Variants in GPM6A observed in about 807,000 individuals in gnomAD.
The protein encoded by GPM6A is neuronal membrane glycoprotein M6-a.
A neutral mutation model predicts 32.1 loss-of-function variants in GPM6A; 7 were observed. The observed-to-expected ratio is 0.22, with a 90% CI of 0.12 to 0.41. GPM6A has a LOEUF of 0.41. Ranked by LOEUF, GPM6A falls within the 10% of genes least tolerant of loss-of-function variation. The probability of loss-of-function intolerance (pLI) is 1.00; values close to 1 mark genes in which losing one functional copy is unlikely to be tolerated. For missense variants in GPM6A, 235 were observed against 347.2 expected (o/e 0.68, Z 2.57); for synonymous variants, 130 against 123.4 (o/e 1.05, Z -0.35).
chr4:175,690,165 C>A (rs777980083), intron 2 of GPM6A, among the ~76,000 whole-genome samples: 3 of 152,144 alleles, frequency 2.0e-5, no homozygotes, highest in Non-Finnish European at 4.4e-5. Flanking sequence ...ACCAGTCCAC[C>A]AACTTGCTGA....
chr4:175,970,864 T>C (rs1667814998), intron 1 of GPM6A: 1 of 456,082 alleles, frequency 2.2e-6, no homozygotes, highest in African/African-American at 2.0e-5. Flanking sequence ...TTAGATCCAC[T>C]GCTCTTACCA....
intron 1 of GPM6A, among the ~76,000 whole-genome samples, chr4:175,763,627 A>G (rs1198714465): frequency 2.0e-5 from 3 of 152,186 alleles, no homozygotes; most frequent in African/African-American, 7.2e-5. Flanking sequence ...CAGATTATTT[A>G]ATAGTAGGCT....
At chr4:175,989,242 G>A (rs2126456970) in intron 1 of GPM6A, among the ~76,000 whole-genome samples, 1 of 152,226 alleles carries the variant, frequency 6.6e-6, no homozygotes, top group Non-Finnish European at 1.5e-5. Flanking sequence ...TTTTAATTAT[G>A]TTGTTTTGAA....
intron 1 of GPM6A, among the ~76,000 whole-genome samples, chr4:175,714,117 G>A (rs891162726): frequency 6.6e-6 from 1 of 152,082 alleles, no homozygotes; most frequent in African/African-American, 2.4e-5. Context: ...TGAGAATCTT[G>A]TGGGTTTTTA....
rs68186591 is a variant in GPM6A, at chr4:175,730,471, CTT to C, written c.38-28706_38-28705del. ...TTGGCCAGGATGGTCTCGATCTCTTCTTTTTTTTTTTCTTTTTGAGAGGGAGT... is the reference window on the plus strand; with the variant it reads ...TTGGCCAGGATGGTCTCGATCTCTTCTTTTTTTTTCTTTTTGAGAGGGAGT... On this transcript the variant is annotated intron_variant, in intron 1 of 6. Coordinates refer to ENST00000393658, the MANE Select transcript of GPM6A (RefSeq NM_201591.3). Among the ~76,000 whole-genome samples, 1,154 of 133,170 alleles carry C rather than the reference CTT, an allele frequency of 8.7e-3. 16 individuals are homozygous for C. The highest frequency in any genetic ancestry group is 0.031 in the African/African-American group (1,093 of 35,324). 87.4% of individuals were successfully genotyped at this position (133,170 alleles called of 152,430 possible). A position where few individuals can be genotyped will look rare whatever the true frequency, so the allele number is the denominator to read the frequency against.
chr4:175,776,394 G>C (rs187735588), intron 1 of GPM6A, among the ~76,000 whole-genome samples: 2 of 152,160 alleles, frequency 1.3e-5, no homozygotes, highest in Non-Finnish European at 2.9e-5. Flanking sequence ...CAACCTTGAC[G>C]TGAGGAACGG....
At chr4:175,698,287 T>G (rs1266629320) in intron 2 of GPM6A, among the ~76,000 whole-genome samples, 6 of 152,176 alleles carry the variant, frequency 3.9e-5, no homozygotes, top group African/African-American at 1.4e-4. Context: ...GAACTAAGTA[T>G]GAGAACTATG....
chr4:175,827,179 CA>C (rs1228029503), intron 1 of GPM6A, among the ~76,000 whole-genome samples: 2 of 152,060 alleles, frequency 1.3e-5, no homozygotes, highest in African/African-American at 4.8e-5. Flanking sequence ...AAATGCTATA[CA>C]AAAATGATGT....
intron 1 of GPM6A, among the ~76,000 whole-genome samples, chr4:175,950,448 A>ATT (rs1739769814): frequency 6.6e-6 from 1 of 152,218 alleles, no homozygotes; most frequent in South Asian, 2.1e-4. Flanking sequence ...AGAATATAAT[A>ATT]CTTGTGAATT....
upstream of GPM6A, among the ~76,000 whole-genome samples, chr4:175,815,996 C>T (rs1056640083): frequency 1.3e-5 from 2 of 152,060 alleles, no homozygotes; most frequent in Non-Finnish European, 2.9e-5. Context: ...GGATTACAGG[C>T]GTGAGCCACC....
At chr4:175,991,265 G>A (rs764189161) in intron 1 of GPM6A, among the ~76,000 whole-genome samples, 8 of 146,572 alleles carry the variant, frequency 5.5e-5, no homozygotes, top group African/African-American at 7.6e-5. Context: ...TAGTAGAAAC[G>A]GAGTTTCACC....
intron 1 of GPM6A, among the ~76,000 whole-genome samples, chr4:175,756,752 A>G (rs1732542980): frequency 6.6e-6 from 1 of 152,146 alleles, no homozygotes; most frequent in South Asian, 2.1e-4. Context: ...ATATGCAATC[A>G]TTAATAGTCA....
At chr4:175,966,912 T>C (rs999404543) in intron 1 of GPM6A, among the ~76,000 whole-genome samples, 1 of 152,190 alleles carries the variant, frequency 6.6e-6, no homozygotes, top group Non-Finnish European at 1.5e-5. Context: ...TTCTTTAAAA[T>C]CTCTTACAGA....
At chr4:175,823,558 TA>T (rs1199235302) in intron 1 of GPM6A, among the ~76,000 whole-genome samples, 6 of 152,214 alleles carry the variant, frequency 3.9e-5, no homozygotes, top group African/African-American at 1.4e-4. Flanking sequence ...ACAGTGATTT[TA>T]AATTGTTGCT....
chr4:175,771,711 T>A (rs1430675704), intron 1 of GPM6A, among the ~76,000 whole-genome samples: 1 of 152,140 alleles, frequency 6.6e-6, no homozygotes, highest in Non-Finnish European at 1.5e-5. Context: ...GCCAGATAGA[T>A]GGCTCATTTT....
At position 175,635,020 on chromosome 4, in the gene GPM6A, T is replaced by C; in HGVS notation, c.722A>G (p.Tyr241Cys). 2 of 1,613,816 alleles carry C rather than the reference T, an allele frequency of 1.2e-6. No homozygotes were observed. Among genetic ancestry groups the C allele is most frequent in the Non-Finnish European group, 1.7e-6 (2 of 1,179,786 alleles). ...CTGCATCCGGCAGGCGTCTTTCACA[T>C]AGGCCCAGTTGGCAGACAGAACCAT... ...YLMVLSANWA[Y>C]VKDACRMQKY... Residue 241 changes from tyrosine to cysteine, a missense_variant, in exon 7 of 7, where the codon TAT becomes TGT. Physicochemically the swap from Tyr to Cys is radical, Grantham distance 194. Coordinates refer to ENST00000393658, the MANE Select transcript of GPM6A (RefSeq NM_201591.3).
intron 1 of GPM6A, among the ~76,000 whole-genome samples, chr4:175,896,459 T>C (rs952216760): frequency 2.0e-5 from 3 of 152,140 alleles, no homozygotes; most frequent in African/African-American, 7.2e-5. Flanking sequence ...TCCAGACATG[T>C]CTGCCCCCTT....
At chr4:175,777,082 T>G (rs1337932121) in intron 1 of GPM6A, among the ~76,000 whole-genome samples, 2 of 152,150 alleles carry the variant, frequency 1.3e-5, no homozygotes, top group African/African-American at 4.8e-5. Context: ...TAAGGATGCA[T>G]GTGTAAAGGA....
At chr4:175,984,559 A>G (rs1281619474) in intron 1 of GPM6A, among the ~76,000 whole-genome samples, 1 of 152,188 alleles carries the variant, frequency 6.6e-6, no homozygotes, top group Non-Finnish European at 1.5e-5. Flanking sequence ...ACTTAAAAAA[A>G]TCCAACCTGT....
Sources: gnomAD v4.1 joint callset for allele counts (sites outside exome capture counted in the v4.1 genomes callset) on GRCh38, gnomAD v4.1.1 for gene constraint, MANE v1.5 for transcripts, NCBI Gene and HGNC (gene_info 2026-07-23, HGNC 2026-07-21) for gene names.